The following UNK variants were observed in gnomAD, a reference collection of about 807,000 sequenced individuals.
The protein encoded by UNK is RING finger protein unkempt homolog.
Under a neutral mutation model 97.6 loss-of-function variants are expected in UNK, and 32 were observed. The observed-to-expected ratio is 0.33, with a 90% CI of 0.25 to 0.44. The LOEUF is 0.44. Ranked by LOEUF, UNK falls within the 20% of genes least tolerant of loss-of-function variation. UNK has a pLI of 1.00. For missense variants in UNK, 771 were observed against 1,098.4 expected, an observed-to-expected ratio of 0.70 and a Z score of 4.21; for synonymous variants, 441 against 461.2, an observed-to-expected ratio of 0.96 and a Z score of 0.56.
At chr17:75,823,188 GC>G (rs1376790881) in intron 14 of UNK, 76 bp from the exon 15 acceptor site, 1 of 1,500,208 alleles carries the variant, frequency 6.7e-7, no homozygotes, top group South Asian at 1.3e-5. Flanking sequence ...AGCCAGAGTG[GC>G]CCCCAAAAGA....
At chr17:75,798,278 G>GT (rs1452315294) in intron 1 of UNK, among the ~76,000 whole-genome samples, 1 of 152,034 alleles carries the variant, frequency 6.6e-6, no homozygotes, top group African/African-American at 2.4e-5. Flanking sequence ...CGCCACGTTG[G>GT]CCAGGCTGGT....
intron 1 of UNK, chr17:75,791,834 C>T (rs1303064222): frequency 1.0e-6 from 1 of 985,310 alleles, no homozygotes; most frequent in Non-Finnish European, 1.2e-6. Flanking sequence ...TATCATCCTA[C>T]AAAGACTGTG....
chr17:75,821,833 G>A (rs939226475), intron 13 of UNK: 19 of 419,238 alleles, frequency 4.5e-5, no homozygotes, highest in African/African-American at 3.9e-4. Flanking sequence ...GTTGGCGGTG[G>A]GTGGGAGGCT....
At position 75,823,413 on chromosome 17, in the gene UNK, G is replaced by T; in HGVS notation, c.2168G>T (p.Gly723Val). 1.2e-6 allele frequency: 2 copies of T among 1,601,828 alleles called. No individual in the cohort carries two copies. The highest frequency in any genetic ancestry group is 1.1e-5 in the South Asian group (1 of 90,048). ...LQEELERLHA[G>V]PEPQALPAFS... is the part of the protein sequence containing the mutation. ...GAGGAGCTGGAGCGGCTACACGCGG[G>T]GCCTGAGCCCCAGGCCCTGCCCGCC... The change falls in exon 15 of 16, where the codon GGG (glycine) becomes GTG (valine). Residue 723 changes from glycine to valine, a missense_variant. Physicochemically the swap from Gly to Val is moderately radical, Grantham distance 109. Coordinates refer to ENST00000589666, the MANE Select transcript of UNK (RefSeq NM_001080419.3).
At chr17:75,793,885 C>G in intron 1 of UNK, 1 of 985,378 alleles carries the variant, frequency 1.0e-6, no homozygotes, top group Non-Finnish European at 1.2e-6. Flanking sequence ...TTGATAAAAA[C>G]CTTTAGCATG....
In UNK at chr17:75,817,221, T is replaced by C; in HGVS notation, c.1105-105T>C. 7.8e-7 allele frequency: 1 copy of C among 1,288,336 alleles called. No homozygotes were observed. The highest frequency in any genetic ancestry group is 1.1e-6 in the Non-Finnish European group (1 of 944,758). The allele number at this position is 1,288,336 out of a possible 1,614,324, so 79.8% of individuals were successfully genotyped here. A position where few individuals can be genotyped will look rare whatever the true frequency, so the allele number is the denominator to read the frequency against. On this transcript the variant is annotated intron_variant, in intron 8 of 15. Transcript: ENST00000589666. The surrounding 1 kb of genome is among the most constrained non-coding windows in gnomAD (Gnocchi z 5.8). Reference sequence around the variant, plus strand: ...ACTGCTGCTCGTTGGCAGATGAAAGTGGAACTGAGCCCCTTGAAGACTCCC... The same window carrying C: ...ACTGCTGCTCGTTGGCAGATGAAAGCGGAACTGAGCCCCTTGAAGACTCCC...
chr17:75,817,513 A>G lies in UNK; in HGVS notation c.1292A>G (p.Asn431Ser). The G allele has an allele frequency of 6.2e-7, 1 of 1,609,340 alleles. No homozygotes were observed. Among genetic ancestry groups the G allele is most frequent in the Non-Finnish European group, 8.5e-7 (1 of 1,177,476 alleles). ...CAGGTGGGAGCCGAGTACCTGAAAA[A>G]TTTCAAATGCCAGGTAAGGGATGAG... ...EDQVGAEYLK[N>S]FKCQAKLKPH... Residue 431 changes from asparagine to serine, a missense_variant, in exon 9 of 16, where the codon AAT (asparagine) becomes AGT (serine). Transcript: ENST00000589666. This position sits in a 1 kb window ranked among gnomAD's most constrained non-coding sequence, Gnocchi z 5.8.
At chr17:75,790,834 GAC>G (rs1436756420) in intron 1 of UNK, among the ~76,000 whole-genome samples, 4 of 151,918 alleles carry the variant, frequency 2.6e-5, no homozygotes, top group Non-Finnish European at 4.4e-5. Flanking sequence ...GGGAGGCTGA[GAC>G]AGGAGAATCG....
chr17:75,789,195 G>A (rs902231299), intron 1 of UNK, among the ~76,000 whole-genome samples: 15 of 152,062 alleles, frequency 9.9e-5, no homozygotes, highest in African/African-American at 3.6e-4. Context: ...GCAGGCACTT[G>A]TGCTGGACTT....
At chr17:75,802,427 A>C (rs910308823) in intron 1 of UNK, among the ~76,000 whole-genome samples, 1 of 151,576 alleles carries the variant, frequency 6.6e-6, no homozygotes, top group Admixed American at 6.6e-5. Context: ...GTTTTTTAAA[A>C]AAATGTTTTA....
rs1028468212 is a variant in UNK at position 75,817,077 on chromosome 17, C to T, written c.1104+165C>T. Among the ~76,000 whole-genome samples, 12 of 149,774 alleles carry T rather than the reference C, an allele frequency of 8.0e-5. No homozygotes were observed. Among genetic ancestry groups the T allele is most frequent in the Admixed American group, 6.1e-4 (9 of 14,764 alleles). On this transcript the variant is annotated intron_variant, in intron 8 of 15. Coordinates refer to ENST00000589666, the MANE Select transcript of UNK (RefSeq NM_001080419.3). The surrounding 1 kb of genome is among the most constrained non-coding windows in gnomAD (Gnocchi z 5.8). The stretch of plus-strand genomic sequence containing the variant: ...GCATTCTTCGTCAAAAGTCCAGGCC[C>T]GGGGGTGGGGTAGGGCAGTCCCCAG...
At chr17:75,821,565 C>T (rs1370799375) in intron 13 of UNK, 2 of 455,550 alleles carry the variant, frequency 4.4e-6, no homozygotes, top group Admixed American at 4.7e-5. Flanking sequence ...AGGGTCTCCG[C>T]ACAGGACCAT....
intron 1 of UNK, 95 bp downstream of exon 1, chr17:75,785,079 T>C: frequency 1.4e-6 from 1 of 728,980 alleles, no homozygotes; most frequent in Non-Finnish European, 2.1e-6. Flanking sequence ...GGCGGCCTCT[T>C]CCTCCCCCCC....
Position 75,823,395 on chromosome 17 carries a change from T to C in UNK, c.2150T>C (p.Leu717Pro). 6.2e-7 allele frequency: 1 copy of C among 1,609,064 alleles called. No individual in the cohort carries two copies. The highest frequency in any genetic ancestry group is 8.5e-7 in the Non-Finnish European group (1 of 1,177,886). ...CAGGTGAAGAAGCTCCAGGAGGAGC[T>C]GGAGCGGCTACACGCGGGGCCTGAG... ...EVQVKKLQEE[L>P]ERLHAGPEPQ... Residue 717 changes from leucine (L) to proline (P), a missense_variant, in exon 15 of 16, where the codon CTG becomes CCG. Physicochemically the swap from Leu to Pro is moderately conservative, Grantham distance 98. Around this residue, in one of 5 missense-constraint regions of UNK, gnomAD observed 208 missense variants for 257.4 expected, o/e 0.81. Transcript: ENST00000589666.
chr17:75,812,017 C>T (rs2061974006), intron 2 of UNK, 95 bp from the exon 3 acceptor site: 2 of 1,402,708 alleles, frequency 1.4e-6, no homozygotes, highest in African/African-American at 1.4e-5. Flanking sequence ...ACAACAACAA[C>T]AACAACAAAA....
At chr17:75,814,329 T>C (rs1347867953) in intron 6 of UNK, among the ~76,000 whole-genome samples, 2 of 151,808 alleles carry the variant, frequency 1.3e-5, no homozygotes, top group Non-Finnish European at 2.9e-5. Context: ...CTATCTCTAC[T>C]AAATGTACAA....
intron 13 of UNK, 67 bp from the exon 14 acceptor site, chr17:75,822,410 G>C: frequency 6.6e-7 from 1 of 1,523,050 alleles, no homozygotes; most frequent in East Asian, 2.3e-5. Context: ...GAACCTCTGA[G>C]GCAGGGCTGG....
Position 75,819,048 on chromosome 17 carries a change from C to T in UNK, c.1546+232C>T. On this transcript the variant is annotated intron_variant, in intron 11 of 15. Transcript: ENST00000589666. This position sits in a 1 kb window ranked among gnomAD's most constrained non-coding sequence, Gnocchi z 5.4. ...TGCAAATTAGAAAGAGGTGCCTTTTCCCCTTGGTGAGTACAGTCTCACCCC... is the reference window on the plus strand; with the variant it reads ...TGCAAATTAGAAAGAGGTGCCTTTTTCCCTTGGTGAGTACAGTCTCACCCC... 2.1e-6 allele frequency: 1 copy of T among 480,898 alleles called. No homozygotes were observed. The highest frequency in any genetic ancestry group is 3.6e-6 in the Non-Finnish European group (1 of 278,152). The allele number at this position is 480,898 out of a possible 1,614,324, so 29.8% of individuals were successfully genotyped here.
chr17:75,823,899 C>A (rs1314817157), intron 15 of UNK, among the ~76,000 whole-genome samples: 1 of 152,224 alleles, frequency 6.6e-6, no homozygotes, highest in East Asian at 1.9e-4. Flanking sequence ...GTCCCCGGGG[C>A]CAACGTGGCA....
Sources: gnomAD v4.1 joint callset for allele counts (sites outside exome capture counted in the v4.1 genomes callset) on GRCh38, gnomAD v4.1.1 for gene constraint, gnomAD v4.1.1 regional missense constraint, Gnocchi (gnomAD v3.1) non-coding constraint, MANE v1.5 for transcripts, NCBI Gene and HGNC (gene_info 2026-07-23, HGNC 2026-07-21) for gene names.